Variants in NFIA observed in about 807,000 individuals in gnomAD.
NFIA encodes the protein nuclear factor 1 A-type.
NFIA carries 8 observed loss-of-function variants against 62.8 expected under a neutral mutation model. The observed-to-expected ratio is 0.13, with a 90% CI of 0.07 to 0.23. NFIA has a LOEUF of 0.23. Ranked by LOEUF, NFIA falls within the 10% of genes least tolerant of loss-of-function variation. NFIA has a pLI of 1.00. For missense variants in NFIA, 410 were observed against 642.1 expected (o/e 0.64, Z 3.91); for synonymous variants, 235 against 238.1 (o/e 0.99, Z 0.12).
chr1:61,281,167 C>G (rs531594489), intron 3 of NFIA, among the ~76,000 whole-genome samples: 2 of 151,342 alleles, frequency 1.3e-5, no homozygotes, highest in African/African-American at 4.9e-5. Flanking sequence ...TGAATCCGGG[C>G]AGCAGATGTT....
At chr1:61,306,352 C>A (rs1187083743) in intron 3 of NFIA, among the ~76,000 whole-genome samples, 1 of 135,064 alleles carries the variant, frequency 7.4e-6, no homozygotes, top group Non-Finnish European at 1.5e-5. Context: ...TCTCTGCTCA[C>A]GCAACCTCCC....
intron 2 of NFIA, among the ~76,000 whole-genome samples, chr1:61,149,113 C>T (rs1380012146): frequency 1.4e-5 from 2 of 142,466 alleles, no homozygotes; most frequent in African/African-American, 5.3e-5. Flanking sequence ...CCAGGCTGGT[C>T]TCGAACTCCT....
intron 4 of NFIA, among the ~76,000 whole-genome samples, chr1:61,351,145 T>C (rs944322349): frequency 6.6e-6 from 1 of 152,244 alleles, no homozygotes; most frequent in African/African-American, 2.4e-5. Context: ...CATTTTAAGC[T>C]GATGATATTT....
At chr1:61,409,310 T>C (rs1045382654) in intron 9 of NFIA, among the ~76,000 whole-genome samples, 1 of 152,264 alleles carries the variant, frequency 6.6e-6, no homozygotes, top group African/African-American at 2.4e-5. Context: ...TCATTCATTT[T>C]AGCCCTTGTT....
chr1:61,304,999 A>G, intron 3 of NFIA, among the ~76,000 whole-genome samples: 1 of 152,228 alleles, frequency 6.6e-6, no homozygotes, highest in East Asian at 1.9e-4. Flanking sequence ...AAATGTAAGT[A>G]GATTTCTATT....
rs537708518 is a variant in NFIA at position 61,460,247 on chromosome 1, G to A, written c.*4927G>A. On this transcript the variant is annotated 3_prime_UTR_variant, in exon 11 of 11. Transcript: ENST00000403491. The stretch of plus-strand genomic sequence containing the variant: ...CCAAGGCTGTGCATTCGTCTAATTA[G>A]CGTCGTGTATGTTTTCCTTTTATTT... 9.8e-5 allele frequency: 15 copies of A among 152,326 alleles called. No homozygotes were observed. The highest frequency in any genetic ancestry group is 1.8e-4 in the Non-Finnish European group (12 of 68,030). The allele number at this position is 152,326 out of a possible 1,614,324, so 9.4% of individuals were successfully genotyped here. A position where few individuals can be genotyped will look rare whatever the true frequency, so the allele number is the denominator to read the frequency against.
chr1:61,266,619 A>G (rs1336919415), intron 2 of NFIA, among the ~76,000 whole-genome samples: 6 of 152,000 alleles, frequency 3.9e-5, no homozygotes, highest in African/African-American at 7.3e-5. Flanking sequence ...GCTGGTCTCA[A>G]ACTCTCCTGA....
intron 6 of NFIA, 80 bp downstream of exon 6, chr1:61,359,354 A>T: frequency 6.3e-7 from 1 of 1,593,792 alleles, no homozygotes; most frequent in Non-Finnish European, 8.6e-7. Flanking sequence ...CACGCATAAA[A>T]GTGAAGAAAG....
intron 2 of NFIA, among the ~76,000 whole-genome samples, chr1:61,226,364 A>G (rs1391269508): frequency 1.3e-5 from 2 of 152,208 alleles, no homozygotes; most frequent in East Asian, 3.8e-4. Flanking sequence ...AGATTTCATA[A>G]TATTCCTTTA....
chr1:61,211,117 A>C (rs1420203967), intron 2 of NFIA, among the ~76,000 whole-genome samples: 1 of 152,138 alleles, frequency 6.6e-6, no homozygotes, highest in Non-Finnish European at 1.5e-5. Context: ...TGGTTGAGTG[A>C]ACTGTGTCAT....
Position 61,119,353 on chromosome 1 carries a change from T to G in NFIA, c.559+30673T>G, listed in dbSNP as rs1245432711. Among the ~76,000 whole-genome samples the G allele has an allele frequency of 2.0e-5, 3 of 152,310 alleles. No homozygotes were observed. In the East Asian group the frequency reaches 5.8e-4, roughly 29 times the overall value. ...AGCTTTATCATATGAGGTAATTCAG[T>G]TACTCAGCAAAACAAATGATATACA... On this transcript the variant is annotated intron_variant, in intron 2 of 10. Transcript: ENST00000403491.
At position 61,380,275 on chromosome 1, in the gene NFIA, G is replaced by A. The variant is rs752057373; in HGVS notation, c.947-2962G>A. Among the ~76,000 whole-genome samples, 4 of 152,050 alleles carry A rather than the reference G, an allele frequency of 2.6e-5. No individual in the cohort carries two copies. The East Asian group carries it at 7.7e-4, about 29-fold the overall frequency. On this transcript the variant is annotated intron_variant, in intron 6 of 10. Coordinates refer to ENST00000403491, the MANE Select transcript of NFIA (RefSeq NM_001134673.4). The stretch of plus-strand genomic sequence containing the variant: ...TTATTTTTCTGCATTGAACTTTGAA[G>A]TAACATTTCATTTCCTCCAGAAAAA...
chr1:61,293,258 A>G (rs926802946), intron 3 of NFIA, among the ~76,000 whole-genome samples: 2 of 152,074 alleles, frequency 1.3e-5, no homozygotes, highest in African/African-American at 4.8e-5. Context: ...CTTTGTAAAT[A>G]AGAAATGTGC....
At chr1:61,426,908 A>G (rs2100554735) in intron 10 of NFIA, among the ~76,000 whole-genome samples, 1 of 152,304 alleles carries the variant, frequency 6.6e-6, no homozygotes, top group East Asian at 1.9e-4. Flanking sequence ...TCTGGTTGCC[A>G]GTGACATCAG....
intron 2 of NFIA, among the ~76,000 whole-genome samples, chr1:61,089,707 T>TTTTTTG (rs1209001382): frequency 7.3e-5 from 11 of 150,374 alleles, no homozygotes; most frequent in African/African-American, 2.5e-4. Context: ...TTTTTTTTTT[T>TTTTTTG]TTTTTTTACA....
At position 61,406,557 on chromosome 1, in the gene NFIA, C is replaced by CCCCA; in HGVS notation, c.1255-5_1255-4insCCCA. ...GTGTGTTTTCTGCCCCCCCCCCCCC[C>CCCCA]ACAGCCCAATGGGAGCAGCCAAGGC... is the stretch of plus-strand genomic sequence containing the variant. On this transcript the variant is annotated splice_polypyrimidine_tract_variant and splice_region_variant and intron_variant, in intron 8 of 10. Coordinates refer to ENST00000403491, the MANE Select transcript of NFIA (RefSeq NM_001134673.4). 1 of 1,317,500 alleles carries CCCCA rather than the reference C, an allele frequency of 7.6e-7. No individual in the cohort carries two copies. Among genetic ancestry groups the CCCCA allele is most frequent in the South Asian group, 1.3e-5 (1 of 74,798 alleles). The allele number at this position is 1,317,500 out of a possible 1,614,324, so 81.6% of individuals were successfully genotyped here.
intron 6 of NFIA, among the ~76,000 whole-genome samples, chr1:61,359,575 T>TTTTG (rs1181944895): frequency 1.3e-5 from 2 of 152,062 alleles, no homozygotes; most frequent in East Asian, 3.9e-4. Context: ...GTTTGTTTTG[T>TTTTG]TTTGTTTGTT....
At chr1:61,101,208 A>T (rs1646502364) in intron 2 of NFIA, among the ~76,000 whole-genome samples, 1 of 151,826 alleles carries the variant, frequency 6.6e-6, no homozygotes. Context: ...TCAGCCTGAC[A>T]AATATGGAGA....
intron 10 of NFIA, among the ~76,000 whole-genome samples, chr1:61,430,807 T>G (rs1317451789): frequency 6.6e-6 from 1 of 152,202 alleles, no homozygotes; most frequent in African/African-American, 2.4e-5. Flanking sequence ...TGCCGAGTTA[T>G]CTGTCCCATT....
Sources: gnomAD v4.1 joint callset for allele counts (sites outside exome capture counted in the v4.1 genomes callset) on GRCh38, gnomAD v4.1.1 for gene constraint, MANE v1.5 for transcripts, NCBI Gene and HGNC (gene_info 2026-07-23, HGNC 2026-07-21) for gene names.